ITLN2: variants seen among roughly 807,000 people sequenced by gnomAD.
ITLN2 encodes the protein intelectin 2.
ITLN2 carries 29 observed loss-of-function variants against 39.4 expected under a neutral mutation model. The ratio of observed to expected loss-of-function variants is 0.74; its 90% CI spans 0.55 to 1.00. ITLN2 has a LOEUF of 1.00. Among genes scored for constraint, ITLN2 ranks in the 50% least tolerant of loss-of-function variants. The pLI is 0.00. For missense variants in ITLN2, 412 were observed against 416.7 expected, an observed-to-expected ratio of 0.99 and a Z score of 0.10; for synonymous variants, 156 against 153.4, an observed-to-expected ratio of 1.02 and a Z score of -0.12.
At chr1:160,948,435 C>G (rs1372838847) in intron 6 of ITLN2, among the ~76,000 whole-genome samples, 3 of 152,182 alleles carry the variant, frequency 2.0e-5, no homozygotes, top group Non-Finnish European at 4.4e-5. Flanking sequence ...TTTCCCTGAC[C>G]ATCACCTGCT....
intron 7 of ITLN2, among the ~76,000 whole-genome samples, chr1:160,947,054 G>A (rs1264120901): frequency 6.6e-6 from 1 of 152,198 alleles, no homozygotes; most frequent in Non-Finnish European, 1.5e-5. Flanking sequence ...CTGCTCCGGT[G>A]CCAGCCTCTG....
intron 2 of ITLN2, among the ~76,000 whole-genome samples, 186 bp downstream of exon 2, chr1:160,954,201 G>A (rs1032637865): frequency 3.3e-5 from 5 of 151,960 alleles, no homozygotes; most frequent in African/African-American, 1.2e-4. Flanking sequence ...CCAGACCCCA[G>A]GAGAGGCCAG....
chr1:160,953,034 A>G (rs1361985411), intron 2 of ITLN2, among the ~76,000 whole-genome samples: 2 of 152,226 alleles, frequency 1.3e-5, no homozygotes, highest in East Asian at 3.9e-4. Context: ...AAAGGGACCC[A>G]ACTGAGATGG....
At chr1:160,953,626 T>C (rs1039109920) in intron 2 of ITLN2, among the ~76,000 whole-genome samples, 4 of 151,536 alleles carry the variant, frequency 2.6e-5, no homozygotes, top group Non-Finnish European at 5.9e-5. Context: ...CAGGAGAAGC[T>C]CTTTAACCCA....
At chr1:160,949,959 T>G in intron 6 of ITLN2, 87 bp downstream of exon 6, 2 of 1,230,160 alleles carry the variant, frequency 1.6e-6, no homozygotes, top group South Asian at 2.8e-5. Context: ...CAGTAAATAC[T>G]AGCAATTATT....
At chr1:160,951,571 G>A (rs1671746759) in intron 3 of ITLN2, 2 of 341,926 alleles carry the variant, frequency 5.8e-6, no homozygotes, top group Admixed American at 8.9e-5. Flanking sequence ...CTGTGGCCAG[G>A]AGAGGCCAGA....
In ITLN2 at chr1:160,948,001, C is replaced by T; in HGVS notation, c.753G>A (p.Arg251=). Residue 251 remains arginine (R), a synonymous_variant, in exon 7 of 8, where the codon CGG becomes CGA. Transcript: ENST00000368029. The part of the protein sequence containing the change: ...REFVAGFVQF[R]VFNNERAANA... Reference sequence around the variant, plus strand: ...TGGCTGCTCTCTCGTTATTAAACACCCGGAACTGAACGAATCCTGCAACAA... The same window carrying T: ...TGGCTGCTCTCTCGTTATTAAACACTCGGAACTGAACGAATCCTGCAACAA... 2 of 1,614,018 alleles carry T rather than the reference C, an allele frequency of 1.2e-6. No homozygotes were observed. Among genetic ancestry groups the T allele is most frequent in the South Asian group, 1.1e-5 (1 of 91,082 alleles).
intron 3 of ITLN2, chr1:160,951,524 G>A: frequency 3.8e-6 from 2 of 528,350 alleles, no homozygotes; most frequent in East Asian, 3.4e-5. Flanking sequence ...AGTCTTAGAA[G>A]AGACAGAGAT....
At chr1:160,954,533 T>A in intron 1 of ITLN2, 83 bp from the exon 2 acceptor site, 1 of 1,293,988 alleles carries the variant, frequency 7.7e-7, no homozygotes, top group Non-Finnish European at 1.1e-6. Flanking sequence ...CCTTTCTGAG[T>A]CAGGAATCCT....
chr1:160,951,032 G>A lies in ITLN2; in HGVS notation c.441+11C>T. The stretch of plus-strand genomic sequence containing the variant: ...TCACCCTCACCCAAGTAGGAGAGAA[G>A]TGGCACCAACCTTGTAGTCATCGCT... On this transcript the variant is annotated intron_variant, in intron 4 of 7. Coordinates refer to ENST00000368029, the MANE Select transcript of ITLN2 (RefSeq NM_080878.3). 1 of 1,614,224 alleles carries A rather than the reference G, an allele frequency of 6.2e-7. No homozygotes were observed. The highest frequency in any genetic ancestry group is 8.5e-7 in the Non-Finnish European group (1 of 1,180,040).
Position 160,945,177 on chromosome 1 carries a change from T to A in ITLN2, c.941A>T (p.Glu314Val). ...GTHVKSSCSR[E>V]ITEAAVLLFY... is the part of the protein sequence containing the mutation. ...CAAGAGTACAGCCGCCTCCGTTATC[T>A]CCCGACTGCAGCTGCTCTTAACGTG... Residue 314 changes from glutamate to valine, a missense_variant, in exon 8 of 8, where the codon GAG becomes GTG. By Grantham distance (121) the Glu-to-Val change is moderately radical. Transcript: ENST00000368029. 6.2e-7 allele frequency: 1 copy of A among 1,606,420 alleles called. No homozygotes were observed.
At chr1:160,949,727 C>T (rs558729819) in intron 6 of ITLN2, 82 of 242,072 alleles carry the variant, frequency 3.4e-4, no homozygotes, top group Non-Finnish European at 5.7e-4. Context: ...AAAATGGAGT[C>T]TCTTATGTCT....
At chr1:160,947,480 G>C (rs1409613479) in intron 7 of ITLN2, among the ~76,000 whole-genome samples, 2 of 152,152 alleles carry the variant, frequency 1.3e-5, no homozygotes, top group Non-Finnish European at 2.9e-5. Context: ...ACCCTTTACG[G>C]GTGTCAGGCT....
intron 7 of ITLN2, among the ~76,000 whole-genome samples, chr1:160,946,670 G>T (rs1207621549): frequency 6.7e-6 from 1 of 150,186 alleles, no homozygotes; most frequent in Non-Finnish European, 1.5e-5. Flanking sequence ...CTGAGATCGC[G>T]CCACTGCACT....
chr1:160,947,733 T>C (rs575819723), intron 7 of ITLN2, among the ~76,000 whole-genome samples, 196 bp downstream of exon 7: 3 of 152,358 alleles, frequency 2.0e-5, no homozygotes, highest in African/African-American at 4.8e-5. Context: ...CTTTGATTCA[T>C]TACAGCACAT....
chr1:160,945,777 C>A (rs1038551331), intron 7 of ITLN2, among the ~76,000 whole-genome samples: 1 of 152,150 alleles, frequency 6.6e-6, no homozygotes, highest in Non-Finnish European at 1.5e-5. Context: ...GGCTCTGACG[C>A]TCTCTTCCTC....
At chr1:160,953,401 C>T (rs759854550) in intron 2 of ITLN2, among the ~76,000 whole-genome samples, 5 of 152,014 alleles carry the variant, frequency 3.3e-5, no homozygotes, top group African/African-American at 7.3e-5. Flanking sequence ...CCTGGCAGAG[C>T]GGGAAAAAGT....
rs747540907 is a variant in ITLN2 at position 160,951,139 on chromosome 1, C to T, written c.345G>A (p.Gln115=). The T allele has an allele frequency of 2.4e-5, 38 of 1,614,114 alleles. No homozygotes were observed. Among genetic ancestry groups the T allele is most frequent in the Non-Finnish European group, 3.1e-5 (36 of 1,180,066 alleles). The change falls in exon 4 of 8, where the codon CAG becomes CAA. Residue 115 remains glutamine, a synonymous_variant. Transcript: ENST00000368029. ...CTGGGTAGTCTGCTTTGTTGCCCTG[C>T]TGACTGGACCAGCGATCACCCACCG... ...KCTVGDRWSS[Q]QGNKADYPEG...
Position 160,950,103 on chromosome 1 carries a change from C to T in ITLN2, c.664G>A (p.Val222Ile). 6 of 1,613,632 alleles carry T rather than the reference C, an allele frequency of 3.7e-6. No individual in the cohort carries two copies. Among genetic ancestry groups the T allele is most frequent in the Non-Finnish European group, 5.1e-6 (6 of 1,179,568 alleles). Residue 222 changes from valine to isoleucine, a missense_variant, in exon 6 of 8, where the codon GTC becomes ATC. Transcript: ENST00000368029. ...TTCTTAGCATCACCAAAGTCATAGA[C>T]CACAGGTATGGCTGGGCCATTGTCA... Reference protein sequence around the residue: ...WNDNGPAIPVVYDFGDAKKTA... With the variant: ...WNDNGPAIPVIYDFGDAKKTA...
Sources: gnomAD v4.1 joint callset for allele counts (sites outside exome capture counted in the v4.1 genomes callset) on GRCh38, gnomAD v4.1.1 for gene constraint, MANE v1.5 for transcripts, NCBI Gene and HGNC (gene_info 2026-07-23, HGNC 2026-07-21) for gene names.